The following SNCB variants were observed in gnomAD, a reference collection of about 807,000 sequenced individuals.
SNCB encodes the protein synuclein beta, also known as beta-synuclein.
In SNCB, 8 loss-of-function variants were observed where a neutral mutation model predicts 20.0. That is an observed-to-expected ratio of 0.40 (90% CI 0.24 to 0.72). The LOEUF (loss-of-function observed/expected upper bound fraction) is 0.72. Ranked by LOEUF, SNCB falls within the 30% of genes least tolerant of loss-of-function variation. SNCB has a pLI of 0.37. For synonymous variants in SNCB, 56 were observed against 65.4 expected (o/e 0.86, Z 0.69); for missense variants, 125 against 168.0 (o/e 0.74, Z 1.41).
intron 2 of SNCB, among the ~76,000 whole-genome samples, chr5:176,628,313 C>G (rs1176078081): frequency 6.6e-6 from 1 of 152,070 alleles, no homozygotes; most frequent in Non-Finnish European, 1.5e-5. Context: ...AGGAGGGAGG[C>G]CAGAGCTGGG....
In SNCB at chr5:176,626,609, C is replaced by T. The variant is rs113702437; in HGVS notation, c.164-93G>A. 2.5e-3 allele frequency: 3,854 copies of T among 1,516,616 alleles called. 92 individuals carry two copies. The African/African-American group carries it at 0.046, about 18-fold the overall frequency. 93.9% of individuals were successfully genotyped at this position (1,516,616 alleles called of 1,614,324 possible). A position where few individuals can be genotyped will look rare whatever the true frequency, so the allele number is the denominator to read the frequency against. ...AGTATCCCAGGGCCTGCCCTCCCCA[C>T]GGAGCATTCCCGCAGAAGCCTTGGG... On this transcript the variant is annotated intron_variant, in intron 3 of 5. Transcript: ENST00000393693. This position sits in a 1 kb window ranked among gnomAD's most constrained non-coding sequence, Gnocchi z 4.2.
chr5:176,624,663 G>T (rs1399370510), intron 4 of SNCB, among the ~76,000 whole-genome samples: 8 of 152,066 alleles, frequency 5.3e-5, no homozygotes. Flanking sequence ...TTAGCCGGGT[G>T]TGGTAGCGGG....
At chr5:176,623,459 C>A (rs1355609088) in intron 4 of SNCB, among the ~76,000 whole-genome samples, 1 of 152,214 alleles carries the variant, frequency 6.6e-6, no homozygotes, top group East Asian at 1.9e-4. Flanking sequence ...GTGGGTGAGG[C>A]TCCTGGAGTG....
chr5:176,624,346 C>T (rs1467151237), intron 4 of SNCB, among the ~76,000 whole-genome samples: 10 of 152,230 alleles, frequency 6.6e-5, no homozygotes. Flanking sequence ...GACTTCACTT[C>T]TCTAAACCTC....
In SNCB at chr5:176,629,484, G is replaced by A. The variant is rs1303546878; in HGVS notation, c.121+50C>T. ...CGGGACCCGGCCCCAGCTCCACACT[G>A]TCGGGGGACCCCCAGCCCTGCAGCC... On this transcript the variant is annotated intron_variant, in intron 2 of 5. Transcript: ENST00000393693. This position sits in a 1 kb window ranked among gnomAD's most constrained non-coding sequence, Gnocchi z 4.1. 2 of 1,597,920 alleles carry A rather than the reference G, an allele frequency of 1.3e-6. No homozygotes were observed. Among genetic ancestry groups the A allele is most frequent in the East Asian group, 4.5e-5 (2 of 44,300 alleles).
chr5:176,625,904 C>T (rs549878008), intron 4 of SNCB, among the ~76,000 whole-genome samples: 70 of 152,274 alleles, frequency 4.6e-4, no homozygotes, highest in African/African-American at 1.5e-3. Context: ...TCTGTCCCAT[C>T]GCCCTCTCTG....
rs866990828 is a variant in SNCB, at chr5:176,626,061, A to G, written c.282+337T>C. Among the ~76,000 whole-genome samples, 1 of 152,156 alleles carries G rather than the reference A, an allele frequency of 6.6e-6. No homozygotes were observed. Among genetic ancestry groups the G allele is most frequent in the South Asian group, 2.1e-4 (1 of 4,822 alleles). ...CTACAACAATTCCTCTCTGGCATGG[A>G]TATTTGTTGAATGAAAAGAAATGAA... On this transcript the variant is annotated intron_variant, in intron 4 of 5. Coordinates refer to ENST00000393693, the MANE Select transcript of SNCB (RefSeq NM_003085.5). This position sits in a 1 kb window ranked among gnomAD's most constrained non-coding sequence, Gnocchi z 4.2.
chr5:176,629,767 C>T lies in SNCB; in HGVS notation c.-9-104G>A. ...CCCCTACTCCCGAGACCGCGGCGCC[C>T]TTCTGGACCCTGAGCCCCCTCCCGC... On this transcript the variant is annotated intron_variant, in intron 1 of 5. Coordinates refer to ENST00000393693, the MANE Select transcript of SNCB (RefSeq NM_003085.5). The surrounding 1 kb of genome is among the most constrained non-coding windows in gnomAD (Gnocchi z 4.1). The T allele has an allele frequency of 8.3e-6, 12 of 1,439,640 alleles. No individual in the cohort carries two copies. The highest frequency in any genetic ancestry group is 2.5e-4 in the Middle Eastern group (1 of 3,926). 89.2% of individuals were successfully genotyped at this position (1,439,640 alleles called of 1,614,324 possible). A position where few individuals can be genotyped will look rare whatever the true frequency, so the allele number is the denominator to read the frequency against.
chr5:176,624,924 C>T (rs907906103), intron 4 of SNCB, among the ~76,000 whole-genome samples: 2 of 151,928 alleles, frequency 1.3e-5, no homozygotes, highest in African/African-American at 4.8e-5. Context: ...AAGGAACCAA[C>T]TGTGCAAAAT....
In SNCB at chr5:176,629,649, G is replaced by A. The variant is rs774120371; in HGVS notation, c.6C>T (p.Asp2=). The stretch of plus-strand genomic sequence containing the variant: ...CCATGGACAGGCCCTTCATGAACAC[G>A]TCCATCCTGGCGGCCTGGGGAGGGC... The part of the protein sequence containing the change: M[D]VFMKGLSMAK... Residue 2 remains aspartate (D), a synonymous_variant, in exon 2 of 6, where the codon GAC becomes GAT. Transcript: ENST00000393693. The surrounding 1 kb of genome is among the most constrained non-coding windows in gnomAD (Gnocchi z 4.1). 2 of 1,613,382 alleles carry A rather than the reference G, an allele frequency of 1.2e-6. No individual in the cohort carries two copies. Among genetic ancestry groups the A allele is most frequent in the African/African-American group, 1.3e-5 (1 of 74,882 alleles).
chr5:176,622,732 C>CTTTT (rs149031370), intron 4 of SNCB, among the ~76,000 whole-genome samples: 13 of 93,554 alleles, frequency 1.4e-4, no homozygotes, highest in African/African-American at 2.2e-4. Flanking sequence ...TTCATGATGA[C>CTTTT]TTTTTTTTTT....
Position 176,626,313 on chromosome 5 carries a change from T to G in SNCB, c.282+85A>C. ...GGCAGGATTAGGGGGGCGGGGATGG[T>G]GACAGGTTTATTTGTGTGCCTGGTG... On this transcript the variant is annotated intron_variant, in intron 4 of 5. Coordinates refer to ENST00000393693, the MANE Select transcript of SNCB (RefSeq NM_003085.5). This position sits in a 1 kb window ranked among gnomAD's most constrained non-coding sequence, Gnocchi z 4.2. 1 of 997,366 alleles carries G rather than the reference T, an allele frequency of 1.0e-6. No homozygotes were observed. 61.8% of individuals were successfully genotyped at this position (997,366 alleles called of 1,614,324 possible). A position where few individuals can be genotyped will look rare whatever the true frequency, so the allele number is the denominator to read the frequency against.
intron 4 of SNCB, among the ~76,000 whole-genome samples, chr5:176,625,905 GC>G (rs1458408312): frequency 6.6e-6 from 1 of 152,014 alleles, no homozygotes; most frequent in Non-Finnish European, 1.5e-5. Flanking sequence ...CTGTCCCATC[GC>G]CCTCTCTGTC....
Position 176,621,255 on chromosome 5 carries a change from G to C in SNCB, c.331C>G (p.Leu111Val). ...TAACTCTCCCCTTCTGGCTCCATCA[G>C]GGGCTCAATCAGTGGTTCTTCAGCA... ...EAAEEPLIEPLMEPEGESYED... is the reference protein window; with the variant it reads ...EAAEEPLIEPVMEPEGESYED... Residue 111 changes from leucine to valine, a missense_variant, in exon 5 of 6, where the codon CTG becomes GTG. Transcript: ENST00000393693. This position sits in a 1 kb window ranked among gnomAD's most constrained non-coding sequence, Gnocchi z 4.1. 1 of 1,613,894 alleles carries C rather than the reference G, an allele frequency of 6.2e-7. No homozygotes were observed. The highest frequency in any genetic ancestry group is 1.1e-5 in the South Asian group (1 of 90,946).
At chr5:176,622,489 C>CAACAA (rs59319062) in intron 4 of SNCB, among the ~76,000 whole-genome samples, 43,501 of 149,426 alleles carry the variant, frequency 0.29, 7,032 homozygotes, top group East Asian at 0.72. Context: ...GACTCCATCT[C>CAACAA]AACAAAACAA....
rs1448323315 is a variant in SNCB at position 176,626,151 on chromosome 5, A to G, written c.282+247T>C. ...TCTGGGTCACGCTGGCAAGCAGGAT[A>G]CACGCAGACAGCCAGGTCTGGGTCC... On this transcript the variant is annotated intron_variant, in intron 4 of 5. Transcript: ENST00000393693. The surrounding 1 kb of genome is among the most constrained non-coding windows in gnomAD (Gnocchi z 4.2). Among the ~76,000 whole-genome samples, 1 of 152,156 alleles carries G rather than the reference A, an allele frequency of 6.6e-6. No homozygotes were observed. Among genetic ancestry groups the G allele is most frequent in the East Asian group, 1.9e-4 (1 of 5,180 alleles).
intron 4 of SNCB, among the ~76,000 whole-genome samples, chr5:176,623,632 G>A (rs867860048): frequency 6.6e-6 from 1 of 152,270 alleles, no homozygotes; most frequent in Non-Finnish European, 1.5e-5. Flanking sequence ...TCTGTCTCGA[G>A]CTGGCTACTG....
chr5:176,626,901 C>CCCA lies in SNCB; in HGVS notation c.122-141_122-140insTGG. On this transcript the variant is annotated intron_variant, in intron 2 of 5. Transcript: ENST00000393693. This position sits in a 1 kb window ranked among gnomAD's most constrained non-coding sequence, Gnocchi z 4.2. ...CCCCACATCCTACAACCTGCACCCC[C>CCCA]ATGTTAACCCCCGTCTTATCACTGC... The CCCA allele has an allele frequency of 1.2e-6, 1 of 843,412 alleles. No homozygotes were observed. The highest frequency in any genetic ancestry group is 2.9e-4 in the Middle Eastern group (1 of 3,402). The allele number at this position is 843,412 out of a possible 1,614,324, so 52.2% of individuals were successfully genotyped here.
rs968613488 is a variant in SNCB at position 176,629,069 on chromosome 5, C to G, written c.121+465G>C. On this transcript the variant is annotated intron_variant, in intron 2 of 5. Transcript: ENST00000393693. This position sits in a 1 kb window ranked among gnomAD's most constrained non-coding sequence, Gnocchi z 4.1. ...CAGAATCTATAAAGCTCCGTTCAAACCCCAGCTTCAGCATTTACCAGCTGC... is the reference window on the plus strand; with the variant it reads ...CAGAATCTATAAAGCTCCGTTCAAAGCCCAGCTTCAGCATTTACCAGCTGC... Among the ~76,000 whole-genome samples, 2 of 152,156 alleles carry G rather than the reference C, an allele frequency of 1.3e-5. No homozygotes were observed. Among genetic ancestry groups the G allele is most frequent in the African/African-American group, 4.8e-5 (2 of 41,436 alleles).
Sources: gnomAD v4.1 joint callset for allele counts (sites outside exome capture counted in the v4.1 genomes callset) on GRCh38, gnomAD v4.1.1 for gene constraint, Gnocchi (gnomAD v3.1) non-coding constraint, MANE v1.5 for transcripts, NCBI Gene and HGNC (gene_info 2026-07-23, HGNC 2026-07-21) for gene names.